The following PPM1H variants were observed in gnomAD, a reference collection of about 807,000 sequenced individuals.
The protein encoded by PPM1H is protein phosphatase, Mg2+/Mn2+ dependent 1H.
PPM1H carries 27 observed loss-of-function variants against 54.9 expected under a neutral mutation model. That is an observed-to-expected ratio of 0.49 (90% confidence interval 0.36 to 0.68). PPM1H has a LOEUF of 0.68. Ranked by LOEUF, PPM1H falls within the 30% of genes least tolerant of loss-of-function variation. The pLI is 0.00. For missense variants in PPM1H, 596 were observed against 667.8 expected (o/e 0.89, Z 1.19); for synonymous variants, 305 against 270.8 (o/e 1.13, Z -1.24).
intron 2 of PPM1H, among the ~76,000 whole-genome samples, chr12:62,825,369 C>G (rs1868279041): frequency 6.6e-6 from 1 of 152,160 alleles, no homozygotes; most frequent in Admixed American, 6.6e-5. Context: ...TTGACCCAGC[C>G]ATCCCATTAC....
At chr12:62,669,298 T>C (rs964581814) in intron 8 of PPM1H, among the ~76,000 whole-genome samples, 2 of 152,216 alleles carry the variant, frequency 1.3e-5, no homozygotes, top group African/African-American at 4.8e-5. Context: ...AACCCTCCTA[T>C]GCTTTATTTT....
At chr12:62,770,740 C>T (rs756572109) in intron 4 of PPM1H, among the ~76,000 whole-genome samples, 9 of 152,054 alleles carry the variant, frequency 5.9e-5, no homozygotes, top group African/African-American at 1.9e-4. Context: ...GAGTGAAAAG[C>T]GAGCAGAGAG....
chr12:62,865,201 G>A (rs1175671422), intron 1 of PPM1H, among the ~76,000 whole-genome samples: 1 of 152,098 alleles, frequency 6.6e-6, no homozygotes, highest in African/African-American at 2.4e-5. Context: ...ATTTTATTTA[G>A]TAGCCTGACA....
intron 1 of PPM1H, among the ~76,000 whole-genome samples, chr12:62,841,353 G>T (rs918532010): frequency 1.3e-5 from 2 of 151,992 alleles, no homozygotes; most frequent in African/African-American, 4.8e-5. Flanking sequence ...TAGCTGGGGG[G>T]AAAAAAGAAT....
rs1372413027 is a variant in PPM1H at position 62,830,380 on chromosome 12, T to C, written c.411+1734A>G. On this transcript the variant is annotated intron_variant, in intron 2 of 9. Coordinates refer to ENST00000228705, the MANE Select transcript of PPM1H (RefSeq NM_020700.2). ...ACGCCATTCTTCTGCCTCAGCCTCC[T>C]GAGTAGCTGGGACTACAGGCACCCG... Among the ~76,000 whole-genome samples, 11 of 152,206 alleles carry C rather than the reference T, an allele frequency of 7.2e-5. No individual in the cohort carries two copies. In the South Asian group the frequency reaches 1.7e-3, roughly 23 times the overall value.
chr12:62,706,040 A>C (rs2120404435), intron 6 of PPM1H, among the ~76,000 whole-genome samples: 1 of 152,344 alleles, frequency 6.6e-6, no homozygotes, highest in Non-Finnish European at 1.5e-5. Context: ...AGAGTCCTGC[A>C]GTGTCCCCTG....
chr12:62,686,833 T>C (rs976444283), intron 8 of PPM1H, among the ~76,000 whole-genome samples: 1 of 152,216 alleles, frequency 6.6e-6, no homozygotes, highest in African/African-American at 2.4e-5. Flanking sequence ...TCTTAGTCCC[T>C]TTTATCTACA....
At chr12:62,671,157 G>T (rs771164629) in intron 8 of PPM1H, among the ~76,000 whole-genome samples, 3 of 152,024 alleles carry the variant, frequency 2.0e-5, no homozygotes, top group Admixed American at 6.6e-5. Context: ...TCCTTAAATA[G>T]CTTCTTAATG....
intron 2 of PPM1H, among the ~76,000 whole-genome samples, chr12:62,814,252 A>C (rs781464828): frequency 8.6e-5 from 13 of 151,966 alleles, no homozygotes; most frequent in Non-Finnish European, 1.6e-4. Flanking sequence ...TTTATTTTTT[A>C]TTTTTATTTT....
intron 3 of PPM1H, among the ~76,000 whole-genome samples, chr12:62,800,201 C>T (rs889335598): frequency 1.7e-4 from 26 of 152,222 alleles, no homozygotes; most frequent in African/African-American, 6.0e-4. Context: ...TACTTTCCTT[C>T]TTAGCACACT....
At position 62,841,641 on chromosome 12, in the gene PPM1H, G is replaced by A. The variant is rs571975314; in HGVS notation, c.246-9362C>T. Among the ~76,000 whole-genome samples the A allele has an allele frequency of 9.2e-5, 14 of 152,270 alleles. No homozygotes were observed. The East Asian group carries it at 1.7e-3, about 19-fold the overall frequency. ...TACTGACGATTTCACATAGTTACAC[G>A]TAATACATAGGTGAAGCAAAAGAGA... On this transcript the variant is annotated intron_variant, in intron 1 of 9. Transcript: ENST00000228705.
intron 6 of PPM1H, among the ~76,000 whole-genome samples, chr12:62,716,430 T>C (rs11174619): frequency 0.034 from 5,227 of 152,220 alleles, 135 homozygotes; most frequent in East Asian, 0.14. Context: ...TTCCAATAAT[T>C]GTCAGCCCCA....
In PPM1H at chr12:62,667,122, G is replaced by T. The variant is rs193283605; in HGVS notation, c.1397+56C>A. 129 of 1,473,676 alleles carry T rather than the reference G, an allele frequency of 8.8e-5. No individual in the cohort carries two copies. The Admixed American group carries it at 2.4e-3, about 28-fold the overall frequency. 91.3% of individuals were successfully genotyped at this position (1,473,676 alleles called of 1,614,324 possible). A position where few individuals can be genotyped will look rare whatever the true frequency, so the allele number is the denominator to read the frequency against. On this transcript the variant is annotated intron_variant, in intron 9 of 9. Transcript: ENST00000228705. ...AAAATTGCATGATTATTAATTTCAG[G>T]CATGTCATGGAAGAATGCTTGAGGA... is the stretch of plus-strand genomic sequence containing the variant.
At chr12:62,923,960 A>G (rs1871886602) in intron 1 of PPM1H, among the ~76,000 whole-genome samples, 1 of 143,470 alleles carries the variant, frequency 7.0e-6, no homozygotes, top group Admixed American at 7.2e-5. Flanking sequence ...TATTTGATTT[A>G]AAAACTGTTG....
At chr12:62,815,179 C>T (rs2076858686) in intron 2 of PPM1H, among the ~76,000 whole-genome samples, 1 of 147,052 alleles carries the variant, frequency 6.8e-6, no homozygotes, top group African/African-American at 2.7e-5. Context: ...TCGCTTTTTA[C>T]CATACCTCTT....
chr12:62,649,199 GGTTTT>G (rs1409560031), intron 9 of PPM1H, among the ~76,000 whole-genome samples: 2 of 100,776 alleles, frequency 2.0e-5, no homozygotes, highest in Admixed American at 8.9e-5. Flanking sequence ...GAAGTTTTTT[GGTTTT>G]TTTTTTTAAT....
intron 4 of PPM1H, among the ~76,000 whole-genome samples, chr12:62,773,441 C>G (rs1211896480): frequency 6.6e-6 from 1 of 152,116 alleles, no homozygotes; most frequent in Non-Finnish European, 1.5e-5. Flanking sequence ...CACCAGTACA[C>G]TCCAGCCTGG....
intron 1 of PPM1H, among the ~76,000 whole-genome samples, chr12:62,877,697 T>C (rs965553768): frequency 6.6e-5 from 10 of 152,146 alleles, no homozygotes; most frequent in Admixed American, 4.6e-4. Flanking sequence ...AAGCATTCTG[T>C]TCCACCTGGC....
intron 5 of PPM1H, among the ~76,000 whole-genome samples, chr12:62,734,916 G>A (rs962870686): frequency 6.6e-6 from 1 of 152,112 alleles, no homozygotes; most frequent in Non-Finnish European, 1.5e-5. Context: ...GCACGGTGGT[G>A]CACCTGTAGT....
Sources: gnomAD v4.1 joint callset for allele counts (sites outside exome capture counted in the v4.1 genomes callset) on GRCh38, gnomAD v4.1.1 for gene constraint, MANE v1.5 for transcripts, NCBI Gene and HGNC (gene_info 2026-07-23, HGNC 2026-07-21) for gene names.